The following ARL14EPL variants were observed in gnomAD, a reference collection of about 807,000 sequenced individuals.
ARL14EPL encodes the protein ARL14 effector protein-like.
A neutral mutation model predicts 15.9 loss-of-function variants in ARL14EPL; 17 were observed. The ratio of observed to expected loss-of-function variants is 1.07; its 90% confidence interval spans 0.73 to 1.60. The LOEUF (loss-of-function observed/expected upper bound fraction) is 1.60. Among genes scored for constraint, ARL14EPL ranks in the 40% most tolerant of loss-of-function variants. ARL14EPL has a pLI of 0.00. For missense variants in ARL14EPL, 214 were observed against 185.9 expected (o/e 1.15, Z -0.88); for synonymous variants, 78 against 63.8 (o/e 1.22, Z -1.06).
At chr5:116,041,386 G>A (rs542011843) in intron 1 of ARL14EPL, among the ~76,000 whole-genome samples, 1 of 152,144 alleles carries the variant, frequency 6.6e-6, no homozygotes, top group South Asian at 2.1e-4. Context: ...GAAGTTTTGG[G>A]GGAAAACACT....
chr5:116,051,514 G>A lies in ARL14EPL; in HGVS notation c.49G>A (p.Asp17Asn). ...CAATTCCATTCAAGAGAGACACACAGATCATAGTTTTCCTGAGAAGAACTG... is the reference window on the plus strand; with the variant it reads ...CAATTCCATTCAAGAGAGACACACAAATCATAGTTTTCCTGAGAAGAACTG... Reference protein sequence around the residue: ...KNNSIQERHTDHSFPEKNCQI... With the variant: ...KNNSIQERHTNHSFPEKNCQI... The change falls in exon 2 of 4, where the codon GAT (aspartate) becomes AAT (asparagine). Residue 17 changes from aspartate (D) to asparagine (N), a missense_variant. Transcript: ENST00000686077. The A allele has an allele frequency of 1.3e-6, 2 of 1,535,794 alleles. No homozygotes were observed. Among genetic ancestry groups the A allele is most frequent in the South Asian group, 2.4e-5 (2 of 84,036 alleles).
At chr5:116,056,579 T>G (rs1749522516) in intron 3 of ARL14EPL, among the ~76,000 whole-genome samples, 1 of 152,184 alleles carries the variant, frequency 6.6e-6, no homozygotes, top group Non-Finnish European at 1.5e-5. Context: ...TGCAAAAATT[T>G]TCTCCCATTC....
chr5:116,054,688 G>T (rs1248329062), intron 3 of ARL14EPL, among the ~76,000 whole-genome samples: 2 of 152,140 alleles, frequency 1.3e-5, no homozygotes, highest in East Asian at 3.9e-4. Flanking sequence ...AAAATTAGCT[G>T]GGCGTGGTGG....
chr5:116,047,570 C>T (rs1037979368), intron 1 of ARL14EPL, among the ~76,000 whole-genome samples: 8 of 152,128 alleles, frequency 5.3e-5, no homozygotes, highest in African/African-American at 1.2e-4. Flanking sequence ...TATGATTGGC[C>T]AGAGAATGTA....
In ARL14EPL at chr5:116,054,051, G is replaced by A. The variant is rs1282333524; in HGVS notation, c.134G>A (p.Arg45Gln). 1 of 1,535,234 alleles carries A rather than the reference G, an allele frequency of 6.5e-7. No individual in the cohort carries two copies. The highest frequency in any genetic ancestry group is 8.7e-7 in the Non-Finnish European group (1 of 1,146,466). ...CGGCAGTTAAAATGCTTGGCATTTC[G>A]AAACCCTGGACCACAGGTAGCAGAC... is the stretch of plus-strand genomic sequence containing the variant. ...IERQLKCLAF[R>Q]NPGPQVADFN... Residue 45 changes from arginine to glutamine, a missense_variant, in exon 3 of 4, where the codon CGA (arginine) becomes CAA (glutamine). Arg to Gln is a conservative substitution (Grantham distance 43). Coordinates refer to ENST00000686077, the MANE Select transcript of ARL14EPL (RefSeq NM_001195581.2).
At chr5:116,032,626 T>G (rs191707110) in intron 1 of ARL14EPL, 121 bp downstream of exon 1, 75 of 152,354 alleles carry the variant, frequency 4.9e-4, no homozygotes, top group African/African-American at 1.8e-3. Flanking sequence ...AATTTCTTAC[T>G]GTGCCTAATT....
rs1428739100 is a variant in ARL14EPL, at chr5:116,051,477, A to G, written c.12A>G (p.Gln4=). The stretch of plus-strand genomic sequence containing the variant: ...TTAAGTGATCAGAGATGAATGAACA[A>G]TCAGAGAAAAACAATTCCATTCAAG... MNE[Q]SEKNNSIQER... Residue 4 remains glutamine, a synonymous_variant, in exon 2 of 4, where the codon CAA becomes CAG. Transcript: ENST00000686077. 3 of 1,534,140 alleles carry G rather than the reference A, an allele frequency of 2.0e-6. No individual in the cohort carries two copies. Among genetic ancestry groups the G allele is most frequent in the Admixed American group, 3.9e-5 (2 of 50,950 alleles).
rs1244447594 is a variant in ARL14EPL at position 116,049,107 on chromosome 5, C to A, written c.-9-2350C>A. Among the ~76,000 whole-genome samples the A allele has an allele frequency of 2.0e-5, 3 of 152,252 alleles. No individual in the cohort carries two copies. The East Asian group carries it at 5.8e-4, about 29-fold the overall frequency. ...CACACCATCATAAAGTCAAAAAGTTCTAAGTCAAACCATCTTCAGTCAGGG... is the reference window on the plus strand; with the variant it reads ...CACACCATCATAAAGTCAAAAAGTTATAAGTCAAACCATCTTCAGTCAGGG... On this transcript the variant is annotated intron_variant, in intron 1 of 3. Coordinates refer to ENST00000686077, the MANE Select transcript of ARL14EPL (RefSeq NM_001195581.2).
intron 3 of ARL14EPL, among the ~76,000 whole-genome samples, chr5:116,057,345 T>A (rs1749543478): frequency 1.3e-5 from 2 of 152,126 alleles, no homozygotes; most frequent in Non-Finnish European, 1.5e-5. Flanking sequence ...ACACAGAAGT[T>A]TGTTTTATTC....
intron 3 of ARL14EPL, among the ~76,000 whole-genome samples, chr5:116,057,427 A>AAAT (rs1477419181): frequency 6.6e-6 from 1 of 151,912 alleles, no homozygotes; most frequent in Non-Finnish European, 1.5e-5. Flanking sequence ...TTACCAAAAA[A>AAAT]AAAAGCATCA....
chr5:116,038,646 A>T (rs2662458), intron 1 of ARL14EPL, among the ~76,000 whole-genome samples: 57,916 of 150,430 alleles, frequency 0.39, 11,397 homozygotes, highest in East Asian at 0.62. Context: ...TGTGGAGATT[A>T]AAAAGACTCA....
At chr5:116,049,608 A>AC (rs1391776320) in intron 1 of ARL14EPL, among the ~76,000 whole-genome samples, 1 of 152,200 alleles carries the variant, frequency 6.6e-6, no homozygotes, top group African/African-American at 2.4e-5. Context: ...AGAGCTAAGT[A>AC]CCCAATGGGC....
Position 116,033,097 on chromosome 5 carries a change from C to G in ARL14EPL, c.-10+592C>G, listed in dbSNP as rs966905915. On this transcript the variant is annotated intron_variant, in intron 1 of 3. Transcript: ENST00000686077. ...TCCAGGTGTGAGCCCCCACACCCGG[C>G]CTATAGCTATGTATTCTTAATTGTT... is the stretch of plus-strand genomic sequence containing the variant. Among the ~76,000 whole-genome samples the G allele has an allele frequency of 2.0e-5, 3 of 152,138 alleles. No homozygotes were observed. The East Asian group carries it at 5.8e-4, about 29-fold the overall frequency.
At chr5:116,045,168 T>C (rs1749241501) in intron 1 of ARL14EPL, among the ~76,000 whole-genome samples, 1 of 152,182 alleles carries the variant, frequency 6.6e-6, no homozygotes, top group South Asian at 2.1e-4. Flanking sequence ...TCGTGTGTTA[T>C]GCTTAAGAGT....
At chr5:116,051,313 T>C (rs1309427482) in intron 1 of ARL14EPL, 144 bp from the exon 2 acceptor site, 2 of 594,212 alleles carry the variant, frequency 3.4e-6, no homozygotes, top group Admixed American at 3.1e-5. Context: ...TAACAGTGAG[T>C]GGGAGAAAAG....
At chr5:116,051,301 T>TTTAA (rs1212411315) in intron 1 of ARL14EPL, 156 bp from the exon 2 acceptor site, 1 of 577,532 alleles carries the variant, frequency 1.7e-6, no homozygotes, top group African/African-American at 1.9e-5. Context: ...AGAGGCAAGG[T>TTTAA]TTAACAGTGA....
At chr5:116,037,986 G>A (rs1347065305) in intron 1 of ARL14EPL, among the ~76,000 whole-genome samples, 1 of 152,162 alleles carries the variant, frequency 6.6e-6, no homozygotes, top group Non-Finnish European at 1.5e-5. Context: ...CTGTGTTTGT[G>A]AACCTTAAGG....
At chr5:116,046,727 G>A (rs1198426995) in intron 1 of ARL14EPL, among the ~76,000 whole-genome samples, 1 of 152,088 alleles carries the variant, frequency 6.6e-6, no homozygotes, top group Non-Finnish European at 1.5e-5. Flanking sequence ...GGCTATGTTG[G>A]GTTATTTCAT....
In ARL14EPL at chr5:116,032,484, A is replaced by G. The variant is rs1487475492; in HGVS notation, c.-31A>G. On this transcript the variant is annotated 5_prime_UTR_variant, in exon 1 of 4. Transcript: ENST00000686077. ...CATCCCATCACGTAGCCATTTGACC[A>G]TTTTACATCATCATAAGAAGCGTGA... 1 of 152,212 alleles carries G rather than the reference A, an allele frequency of 6.6e-6. No homozygotes were observed. The highest frequency in any genetic ancestry group is 1.5e-5 in the Non-Finnish European group (1 of 68,042). The allele number at this position is 152,212 out of a possible 1,614,324, so 9.4% of individuals were successfully genotyped here.
Sources: gnomAD v4.1 joint callset for allele counts (sites outside exome capture counted in the v4.1 genomes callset) on GRCh38, gnomAD v4.1.1 for gene constraint, MANE v1.5 for transcripts, NCBI Gene and HGNC (gene_info 2026-07-23, HGNC 2026-07-21) for gene names.